MYRIP: variants seen among roughly 807,000 people sequenced by gnomAD.
The protein encoded by MYRIP is rab effector MyRIP.
Under a neutral mutation model 98.0 loss-of-function variants are expected in MYRIP, and 49 were observed. The observed-to-expected ratio is 0.50, with a 90% CI of 0.40 to 0.63. The LOEUF (loss-of-function observed/expected upper bound fraction) is 0.63. Among genes scored for constraint, MYRIP ranks in the 30% least tolerant of loss-of-function variants. The probability of loss-of-function intolerance (pLI) is 0.00; values close to 1 mark genes in which losing one functional copy is unlikely to be tolerated. For synonymous variants in MYRIP, 404 were observed against 409.5 expected (o/e 0.99, Z 0.16); for missense variants, 1,004 against 1,058.2 (o/e 0.95, Z 0.71).
intron 11 of MYRIP, among the ~76,000 whole-genome samples, chr3:40,226,238 C>T (rs1358536568): frequency 6.6e-6 from 1 of 152,146 alleles, no homozygotes. Flanking sequence ...TTATATTTTT[C>T]TTTATTTCAA....
intron 3 of MYRIP, among the ~76,000 whole-genome samples, chr3:40,046,787 A>G (rs1470159021): frequency 6.6e-6 from 1 of 152,024 alleles, no homozygotes; most frequent in Admixed American, 6.6e-5. Flanking sequence ...AGCCGTTATT[A>G]AAGTATACTA....
At chr3:40,088,097 C>G (rs1948665682) in intron 3 of MYRIP, among the ~76,000 whole-genome samples, 1 of 152,146 alleles carries the variant, frequency 6.6e-6, no homozygotes. Flanking sequence ...GCTGGTTGAC[C>G]TGGGAGCCAA....
At chr3:39,940,391 T>C (rs550828070) in intron 2 of MYRIP, among the ~76,000 whole-genome samples, 1 of 152,244 alleles carries the variant, frequency 6.6e-6, no homozygotes, top group African/African-American at 2.4e-5. Flanking sequence ...ATAGTGCTAT[T>C]TTCTATTTTC....
At chr3:39,859,883 A>G (rs1942415872) in intron 1 of MYRIP, among the ~76,000 whole-genome samples, 1 of 152,212 alleles carries the variant, frequency 6.6e-6, no homozygotes, top group African/African-American at 2.4e-5. Context: ...GAAGCCATAT[A>G]TAACAAGCCC....
intron 2 of MYRIP, chr3:39,970,108 C>T (rs1222529198): frequency 3.3e-5 from 5 of 151,690 alleles, no homozygotes; most frequent in Non-Finnish European, 7.4e-5. Context: ...GTGTTCGTTA[C>T]TCTTAACAAT....
Position 40,214,350 on chromosome 3 carries a change from T to C in MYRIP, c.1905+4257T>C, listed in dbSNP as rs76394255. On this transcript the variant is annotated intron_variant, in intron 11 of 16. Coordinates refer to ENST00000302541, the MANE Select transcript of MYRIP (RefSeq NM_015460.4). ...AAGCAGAGGAATGTGGATATGCCCG[T>C]AGACACAGTGACATCAGTGGCAGCT... Among the ~76,000 whole-genome samples, 5 of 152,326 alleles carry C rather than the reference T, an allele frequency of 3.3e-5. No individual in the cohort carries two copies. In the East Asian group the frequency reaches 9.7e-4, roughly 29 times the overall value.
At chr3:40,193,228 T>G (rs927034065) in intron 10 of MYRIP, among the ~76,000 whole-genome samples, 1 of 152,148 alleles carries the variant, frequency 6.6e-6, no homozygotes, top group Non-Finnish European at 1.5e-5. Context: ...ATTGTAGAAG[T>G]CTATCCAGGG....
chr3:40,222,471 T>A (rs1163645938), intron 11 of MYRIP, among the ~76,000 whole-genome samples: 5 of 152,154 alleles, frequency 3.3e-5, no homozygotes, highest in African/African-American at 1.2e-4. Flanking sequence ...GAGTCCCACC[T>A]CCTACCTCAC....
chr3:40,211,687 A>G (rs1221334013), intron 11 of MYRIP, among the ~76,000 whole-genome samples: 1 of 152,168 alleles, frequency 6.6e-6, no homozygotes, highest in African/African-American at 2.4e-5. Context: ...CTTTCTTACA[A>G]TGGCTTTATC....
chr3:40,201,098 T>C lies in MYRIP; in HGVS notation c.1666-8756T>C, dbSNP rs562796022. Among the ~76,000 whole-genome samples the C allele has an allele frequency of 9.3e-4, 142 of 152,340 alleles. 1 individual carries two copies. The Middle Eastern group carries it at 0.01, about 11-fold the overall frequency. On this transcript the variant is annotated intron_variant, in intron 10 of 16. Coordinates refer to ENST00000302541, the MANE Select transcript of MYRIP (RefSeq NM_015460.4). The stretch of plus-strand genomic sequence containing the variant: ...AGCATGTGGGAGTTATTTATCTGAC[T>C]GCTCAAGGTCATCGCCAAGGTCTGA...
intron 3 of MYRIP, among the ~76,000 whole-genome samples, chr3:40,143,156 G>A (rs991685812): frequency 3.3e-5 from 5 of 152,200 alleles, no homozygotes; most frequent in African/African-American, 9.7e-5. Context: ...ACCCCTATAC[G>A]TTTAACACAG....
At chr3:40,237,383 T>C (rs1952853519) in intron 12 of MYRIP, among the ~76,000 whole-genome samples, 1 of 152,186 alleles carries the variant, frequency 6.6e-6, no homozygotes, top group African/African-American at 2.4e-5. Context: ...GCACCCCTGG[T>C]CTCTACCCAC....
chr3:40,009,107 G>T (rs1323590377), intron 2 of MYRIP, among the ~76,000 whole-genome samples: 1 of 152,354 alleles, frequency 6.6e-6, no homozygotes, highest in South Asian at 2.1e-4. Flanking sequence ...TTCCAGCAAG[G>T]TTGGGGTTGT....
At chr3:40,225,689 A>C (rs1012358842) in intron 11 of MYRIP, among the ~76,000 whole-genome samples, 1 of 152,186 alleles carries the variant, frequency 6.6e-6, no homozygotes, top group African/African-American at 2.4e-5. Flanking sequence ...TGGTTGAATA[A>C]AATAATGAGA....
intron 2 of MYRIP, among the ~76,000 whole-genome samples, chr3:40,042,967 A>G (rs1947575491): frequency 2.0e-5 from 3 of 152,212 alleles, no homozygotes; most frequent in Admixed American, 2.0e-4. Flanking sequence ...TATCTCCCTC[A>G]TGACCTCATG....
chr3:40,018,922 A>G (rs1010220669), intron 2 of MYRIP, among the ~76,000 whole-genome samples: 3 of 152,160 alleles, frequency 2.0e-5, no homozygotes, highest in African/African-American at 7.2e-5. Flanking sequence ...CCAGCTTCTC[A>G]CTACAATGAG....
At chr3:40,196,031 C>T (rs1349053324) in intron 10 of MYRIP, among the ~76,000 whole-genome samples, 1 of 152,040 alleles carries the variant, frequency 6.6e-6, no homozygotes, top group Non-Finnish European at 1.5e-5. Context: ...ATATTCTCAT[C>T]ACGTTTTAAA....
intron 3 of MYRIP, among the ~76,000 whole-genome samples, chr3:40,058,355 TA>T (rs959873348): frequency 1.3e-5 from 2 of 152,100 alleles, no homozygotes; most frequent in Non-Finnish European, 2.9e-5. Flanking sequence ...CCCTAGAAAC[TA>T]AAAAATATGT....
chr3:40,198,864 T>A (rs1951472652), intron 10 of MYRIP, among the ~76,000 whole-genome samples: 1 of 152,158 alleles, frequency 6.6e-6, no homozygotes, highest in African/African-American at 2.4e-5. Context: ...ATTTAATAGG[T>A]GTATGCCTTG....
Sources: gnomAD v4.1 joint callset for allele counts (sites outside exome capture counted in the v4.1 genomes callset) on GRCh38, gnomAD v4.1.1 for gene constraint, MANE v1.5 for transcripts, NCBI Gene and HGNC (gene_info 2026-07-23, HGNC 2026-07-21) for gene names.